TANGO6: variants seen among roughly 807,000 people sequenced by gnomAD.
TANGO6 encodes the protein transport and Golgi organization protein 6 homolog.
A neutral mutation model predicts 114.2 loss-of-function variants in TANGO6; 90 were observed. The ratio of observed to expected loss-of-function variants is 0.79; its 90% confidence interval spans 0.66 to 0.94. TANGO6 has a LOEUF of 0.94. Among genes scored for constraint, TANGO6 ranks in the 40% least tolerant of loss-of-function variants. The pLI is 0.00. For missense variants in TANGO6, 1,274 were observed against 1,315.3 expected (o/e 0.97, Z 0.49); for synonymous variants, 477 against 509.8 (o/e 0.94, Z 0.87).
At chr16:69,083,388 C>T (rs1352876498) in intron 17 of TANGO6, 97 bp from the exon 18 acceptor site, 15 of 1,390,248 alleles carry the variant, frequency 1.1e-5, no homozygotes, top group Non-Finnish European at 1.2e-5. Context: ...TGTGGATGTC[C>T]TCACAGATCT....
At chr16:69,042,956 G>T (rs1294555003) in intron 17 of TANGO6, among the ~76,000 whole-genome samples, 5 of 152,282 alleles carry the variant, frequency 3.3e-5, no homozygotes, top group African/African-American at 1.2e-4. Context: ...GGGTGCAGTG[G>T]CTCACCGCCT....
chr16:68,878,508 T>C (rs1393051739), intron 6 of TANGO6, among the ~76,000 whole-genome samples: 1 of 152,216 alleles, frequency 6.6e-6, no homozygotes, highest in Admixed American at 6.5e-5. Flanking sequence ...ACATTTATTT[T>C]ATCTTTCTCT....
chr16:68,859,740 G>A, intron 1 of TANGO6, 144 bp from the exon 2 acceptor site: 2 of 841,484 alleles, frequency 2.4e-6, no homozygotes, highest in Non-Finnish European at 3.6e-6. Context: ...AGGCTGGGTT[G>A]GTACCCCTGG....
intron 2 of TANGO6, among the ~76,000 whole-genome samples, chr16:68,861,807 C>A (rs1962096514): frequency 6.6e-6 from 1 of 152,036 alleles, no homozygotes; most frequent in Non-Finnish European, 1.5e-5. Context: ...TGGGCAGGAC[C>A]CTGACTGTTT....
intron 14 of TANGO6, among the ~76,000 whole-genome samples, chr16:68,964,835 C>T (rs1480319226): frequency 2.6e-5 from 4 of 152,060 alleles, no homozygotes; most frequent in African/African-American, 9.7e-5. Flanking sequence ...TTCTCAAATG[C>T]TGGGATTACA....
At chr16:68,960,176 C>A (rs1205631546) in intron 14 of TANGO6, among the ~76,000 whole-genome samples, 1 of 152,156 alleles carries the variant, frequency 6.6e-6, no homozygotes, top group Non-Finnish European at 1.5e-5. Flanking sequence ...TTATTTCTTA[C>A]CCGTGATCAG....
intron 12 of TANGO6, among the ~76,000 whole-genome samples, chr16:68,924,452 A>C (rs2152194168): frequency 6.6e-6 from 1 of 150,892 alleles, no homozygotes; most frequent in East Asian, 2.0e-4. Context: ...ACACCATTGC[A>C]CTCCAGCCTG....
At chr16:68,858,623 G>A (rs976457462) in intron 1 of TANGO6, among the ~76,000 whole-genome samples, 2 of 151,896 alleles carry the variant, frequency 1.3e-5, no homozygotes, top group Non-Finnish European at 2.9e-5. Context: ...TGAGACCACA[G>A]GTGTGCACCA....
chr16:68,973,965 C>T, intron 14 of TANGO6, 63 bp from the exon 15 acceptor site: 1 of 1,538,860 alleles, frequency 6.5e-7, no homozygotes, highest in African/African-American at 1.4e-5. Flanking sequence ...CACAGGGTGA[C>T]TGGTTTATTT....
chr16:68,938,933 A>C (rs1963323596), intron 14 of TANGO6, among the ~76,000 whole-genome samples: 1 of 151,862 alleles, frequency 6.6e-6, no homozygotes. Flanking sequence ...CCGGCCAGTC[A>C]TGGTGGCTCA....
Position 68,902,355 on chromosome 16 carries a change from G to C in TANGO6, c.1518G>C (p.Trp506Cys). 1 of 1,611,042 alleles carries C rather than the reference G, an allele frequency of 6.2e-7. No homozygotes were observed. The highest frequency in any genetic ancestry group is 2.2e-5 in the East Asian group (1 of 44,694). ...IRSLCQEILL[W>C]ILGKLERKKA... ...CACTTTGCCAAGAAATCTTATTATG[G>C]ATTCTGGGGAAGCTGGAAAGGAAGA... Residue 506 changes from tryptophan (W) to cysteine (C), a missense_variant, in exon 9 of 18, where the codon TGG becomes TGC. By Grantham distance (215) the Trp-to-Cys change is radical. This residue lies in a region of TANGO6 where 908 missense variants were observed against 910.2 expected (regional missense o/e 1.00). Coordinates refer to ENST00000261778, the MANE Select transcript of TANGO6 (RefSeq NM_024562.2).
intron 15 of TANGO6, among the ~76,000 whole-genome samples, chr16:68,975,821 T>G (rs12019042): frequency 1.3e-5 from 2 of 152,080 alleles, no homozygotes; most frequent in African/African-American, 4.8e-5. Context: ...CCTCCCAAAG[T>G]GCTGGGATTA....
intron 17 of TANGO6, among the ~76,000 whole-genome samples, chr16:69,074,411 T>C (rs892444873): frequency 5.3e-5 from 8 of 151,708 alleles, no homozygotes; most frequent in Admixed American, 2.0e-4. Context: ...GAGAGTAAAG[T>C]AGTGAAAGAA....
chr16:68,848,757 C>CT (rs1461381118), intron 1 of TANGO6, among the ~76,000 whole-genome samples: 1 of 151,958 alleles, frequency 6.6e-6, no homozygotes, highest in African/African-American at 2.4e-5. Context: ...ATGAAGTGAT[C>CT]TTTTTTGTTG....
intron 14 of TANGO6, among the ~76,000 whole-genome samples, chr16:68,932,381 G>C (rs922660532): frequency 6.6e-6 from 1 of 152,018 alleles, no homozygotes; most frequent in South Asian, 2.1e-4. Context: ...GTGAGCCACC[G>C]CACCTGGCCA....
intron 15 of TANGO6, among the ~76,000 whole-genome samples, chr16:69,018,200 G>A (rs1228171701): frequency 7.3e-6 from 1 of 136,782 alleles, no homozygotes; most frequent in Non-Finnish European, 1.5e-5. Flanking sequence ...CTGGAGTGCA[G>A]TGGTGTGATC....
At chr16:68,978,336 C>G (rs747791960) in intron 15 of TANGO6, among the ~76,000 whole-genome samples, 1 of 152,152 alleles carries the variant, frequency 6.6e-6, no homozygotes, top group Admixed American at 6.6e-5. Flanking sequence ...GAGGTGAGGC[C>G]TTACTCCTCC....
At chr16:69,081,928 G>A (rs940133809) in intron 17 of TANGO6, among the ~76,000 whole-genome samples, 7 of 151,920 alleles carry the variant, frequency 4.6e-5, no homozygotes, top group Admixed American at 4.6e-4. Context: ...CCGCCTCCTG[G>A]GTTCAAGTGA....
At chr16:68,880,895 C>G (rs1163099155) in intron 7 of TANGO6, among the ~76,000 whole-genome samples, 1 of 152,070 alleles carries the variant, frequency 6.6e-6, no homozygotes, top group Non-Finnish European at 1.5e-5. Flanking sequence ...TCCAAGCTGT[C>G]TGGTTTTCAC....
Sources: allele counts gnomAD v4.1 joint callset (sites outside exome capture counted in the v4.1 genomes callset), GRCh38; gene constraint gnomAD v4.1.1; regional missense constraint gnomAD v4.1.1; transcripts MANE v1.5; gene names NCBI Gene and HGNC (gene_info 2026-07-23, HGNC 2026-07-21).